The following PPP4R4 variants were observed in gnomAD, a reference collection of about 807,000 sequenced individuals.
PPP4R4 encodes serine/threonine-protein phosphatase 4 regulatory subunit 4.
A neutral mutation model predicts 121.8 loss-of-function variants in PPP4R4; 70 were observed. The ratio of observed to expected loss-of-function variants is 0.57; its 90% CI spans 0.47 to 0.70. PPP4R4 has a LOEUF of 0.70. PPP4R4 is among the 30% of genes least tolerant of loss of function. The pLI, the probability that PPP4R4 is intolerant of heterozygous loss-of-function variation, is 0.00. For synonymous variants in PPP4R4, 348 were observed against 355.7 expected (o/e 0.98, Z 0.24); for missense variants, 875 against 1,033.6 (o/e 0.85, Z 2.10).
chr14:94,246,907 C>T (rs1432205538), intron 14 of PPP4R4, among the ~76,000 whole-genome samples: 1 of 152,194 alleles, frequency 6.6e-6, no homozygotes, highest in Admixed American at 6.5e-5. Flanking sequence ...TTCTGATGTG[C>T]ACCTCTGATG....
chr14:94,231,605 A>G (rs1382616101), intron 5 of PPP4R4, among the ~76,000 whole-genome samples: 2 of 152,078 alleles, frequency 1.3e-5, no homozygotes, highest in African/African-American at 4.8e-5. Flanking sequence ...GAATTTATAT[A>G]TGGTTGTTTT....
intron 3 of PPP4R4, chr14:94,227,377 T>A: frequency 6.2e-7 from 1 of 1,607,082 alleles, no homozygotes; most frequent in South Asian, 1.1e-5. Flanking sequence ...GAACACTTAC[T>A]GGTAAGTATT....
intron 1 of PPP4R4, 94 bp downstream of exon 1, chr14:94,174,676 C>G (rs1888564299): frequency 6.7e-7 from 1 of 1,500,682 alleles, no homozygotes; most frequent in East Asian, 2.5e-5. Context: ...CCACCCTCCC[C>G]TCCTCCGGGC....
intron 3 of PPP4R4, among the ~76,000 whole-genome samples, chr14:94,229,367 T>C (rs1303075174): frequency 1.3e-5 from 2 of 151,970 alleles, no homozygotes; most frequent in Non-Finnish European, 2.9e-5. Context: ...GAGTTAAGGA[T>C]GACCCCACAG....
chr14:94,241,365 G>C (rs1322920303), intron 9 of PPP4R4, among the ~76,000 whole-genome samples: 1 of 151,972 alleles, frequency 6.6e-6, no homozygotes, highest in Non-Finnish European at 1.5e-5. Flanking sequence ...CTGTCTTTCA[G>C]ATTCAATTTT....
chr14:94,230,663 C>A lies in PPP4R4; in HGVS notation c.371C>A (p.Ser124Ter), dbSNP rs1231059954. ...MSFLTILQDE[S>*]VSIHAYTHSF... The stretch of plus-strand genomic sequence containing the variant: ...TTTCTGACCATTCTGCAGGACGAAT[C>A]AGTGTCAATTCATGCATATACCCAC... The change falls in exon 4 of 25, where the codon TCA (serine) becomes TAA (stop). Residue 124 changes from serine to a stop codon, truncating the protein, a stop_gained. Coordinates refer to ENST00000304338, the MANE Select transcript of PPP4R4 (RefSeq NM_058237.2). LOFTEE classifies it high-confidence loss of function. The A allele has an allele frequency of 6.2e-7, 1 of 1,612,446 alleles. No individual in the cohort carries two copies. The highest frequency in any genetic ancestry group is 8.5e-7 in the Non-Finnish European group (1 of 1,178,546).
At chr14:94,236,414 C>T (rs1892356430) in intron 7 of PPP4R4, among the ~76,000 whole-genome samples, 1 of 151,984 alleles carries the variant, frequency 6.6e-6, no homozygotes, top group South Asian at 2.1e-4. Context: ...TTTTTATGAA[C>T]TTTGGATTTG....
At position 94,245,652 on chromosome 14, in the gene PPP4R4, C is replaced by G. The variant is rs748100207; in HGVS notation, c.1410C>G (p.Ser470Arg). The part of the protein sequence containing the change: ...ILELMSTGGE[S>R]SVQENKLSSL... ...AACTTATGTCTACTGGTGGAGAAAGCAGTGTTCAAGAAAATAAGGTAAACT... is the reference window on the plus strand; with the variant it reads ...AACTTATGTCTACTGGTGGAGAAAGGAGTGTTCAAGAAAATAAGGTAAACT... Residue 470 changes from serine to arginine, a missense_variant, in exon 13 of 25, where the codon AGC (serine) becomes AGG (arginine). By Grantham distance (110) the Ser-to-Arg change is moderately radical. Transcript: ENST00000304338. 2 of 1,595,644 alleles carry G rather than the reference C, an allele frequency of 1.3e-6. No individual in the cohort carries two copies. Among genetic ancestry groups the G allele is most frequent in the East Asian group, 4.5e-5 (2 of 44,540 alleles).
chr14:94,272,665 TTAAAAC>T (rs1399737798), intron 23 of PPP4R4, among the ~76,000 whole-genome samples: 1 of 152,126 alleles, frequency 6.6e-6, no homozygotes, highest in African/African-American at 2.4e-5. Context: ...TTCATTAAAA[TTAAAAC>T]TACTATTTGA....
chr14:94,237,702 A>G lies in PPP4R4; in HGVS notation c.853+16A>G. On this transcript the variant is annotated intron_variant, in intron 8 of 24. Coordinates refer to ENST00000304338, the MANE Select transcript of PPP4R4 (RefSeq NM_058237.2). ...TTTGATACAGGTAAATCATGTGGCT[A>G]CATCTTTGCTTCTGAAAACAGTGTT... 1 of 1,609,206 alleles carries G rather than the reference A, an allele frequency of 6.2e-7. No individual in the cohort carries two copies.
At chr14:94,196,094 A>G (rs990748176) in intron 2 of PPP4R4, among the ~76,000 whole-genome samples, 1 of 149,902 alleles carries the variant, frequency 6.7e-6, no homozygotes, top group East Asian at 1.9e-4. Context: ...TTAAGATTCA[A>G]CAGTAAATCT....
chr14:94,274,354 A>G (rs1894517562), intron 23 of PPP4R4, among the ~76,000 whole-genome samples: 2 of 152,144 alleles, frequency 1.3e-5, no homozygotes, highest in South Asian at 4.1e-4. Context: ...AAGGCAAGGC[A>G]TAGATTTGGA....
rs147225606 is a variant in PPP4R4, at chr14:94,223,498, G to A, written c.295-7089G>A. Reference sequence around the variant, plus strand: ...GAGGGGCTTACCAGGGACTCTGCAAGGCTGTCAGAGAAGTCACTTAGGCTC... The same window carrying A: ...GAGGGGCTTACCAGGGACTCTGCAAAGCTGTCAGAGAAGTCACTTAGGCTC... On this transcript the variant is annotated intron_variant, in intron 3 of 24. Transcript: ENST00000304338. 2.0e-3 allele frequency among the ~76,000 whole-genome samples: 304 copies of A among 152,264 alleles called. 1 individual carries two copies. Among genetic ancestry groups the A allele is most frequent in the African/African-American group, 7.0e-3 (289 of 41,540 alleles).
At chr14:94,225,550 C>T (rs1057482903) in intron 3 of PPP4R4, among the ~76,000 whole-genome samples, 23 of 151,630 alleles carry the variant, frequency 1.5e-4, no homozygotes, top group African/African-American at 4.6e-4. Flanking sequence ...TAAGACTCTA[C>T]TGCCAGTGCA....
chr14:94,243,484 A>G (rs569527159), intron 11 of PPP4R4, among the ~76,000 whole-genome samples: 1 of 152,156 alleles, frequency 6.6e-6, no homozygotes, highest in Non-Finnish European at 1.5e-5. Flanking sequence ...GGGTTGTACA[A>G]GTTTGGAGTC....
chr14:94,264,007 T>C (rs946375887), intron 19 of PPP4R4, among the ~76,000 whole-genome samples: 2 of 152,220 alleles, frequency 1.3e-5, no homozygotes, highest in African/African-American at 4.8e-5. Context: ...TCATGCCTAT[T>C]CTGTTAGCAT....
At chr14:94,227,162 C>T (rs1891759891) in intron 3 of PPP4R4, 1 of 731,520 alleles carries the variant, frequency 1.4e-6, no homozygotes, top group Non-Finnish European at 2.2e-6. Flanking sequence ...CTTAATGTCT[C>T]ATTTCATTTT....
chr14:94,201,053 T>G, intron 2 of PPP4R4, among the ~76,000 whole-genome samples: 1 of 152,218 alleles, frequency 6.6e-6, no homozygotes, highest in East Asian at 1.9e-4. Context: ...AAAGAATTTT[T>G]TAATTTCCAT....
chr14:94,265,351 A>C (rs1893986756), intron 20 of PPP4R4, 36 bp from the exon 21 acceptor site: 1 of 1,454,456 alleles, frequency 6.9e-7, no homozygotes, highest in African/African-American at 1.4e-5. Context: ...AAGGACTTAG[A>C]GGAAATTATA....
Sources: allele counts gnomAD v4.1 joint callset (sites outside exome capture counted in the v4.1 genomes callset), GRCh38; gene constraint gnomAD v4.1.1; transcripts MANE v1.5; gene names NCBI Gene and HGNC (gene_info 2026-07-23, HGNC 2026-07-21).